Variants in ROCK2 observed in about 807,000 individuals in gnomAD.
ROCK2 encodes the protein rho-associated protein kinase 2.
In ROCK2, 61 loss-of-function variants were observed where a neutral mutation model predicts 195.1. That is an observed-to-expected ratio of 0.31 (90% CI 0.25 to 0.39). ROCK2 has a LOEUF of 0.39. Among genes scored for constraint, ROCK2 ranks in the 10% least tolerant of loss-of-function variants. ROCK2 has a pLI of 1.00. For missense variants in ROCK2, 1,109 were observed against 1,637.4 expected (o/e 0.68, Z 5.57); for synonymous variants, 504 against 545.5 (o/e 0.92, Z 1.06).
At chr2:11,208,076 T>C (rs533047975) in intron 19 of ROCK2, among the ~76,000 whole-genome samples, 166 bp from the exon 20 acceptor site, 26 of 151,180 alleles carry the variant, frequency 1.7e-4, no homozygotes, top group Non-Finnish European at 3.0e-4. Flanking sequence ...ATTATAATTG[T>C]ATTTTTTAAA....
Position 11,192,131 on chromosome 2 carries a change from A to G in ROCK2, c.4163+17T>C. On this transcript the variant is annotated intron_variant, in intron 32 of 32. Coordinates refer to ENST00000315872, the MANE Select transcript of ROCK2 (RefSeq NM_004850.5). The surrounding 1 kb of genome is among the most constrained non-coding windows in gnomAD (Gnocchi z 5.0). Reference sequence around the variant, plus strand: ...AATAGACTTTTTTTTTTTCCTTACCACATTTTAGTTTATTACCTAGGTTTG... The same window carrying G: ...AATAGACTTTTTTTTTTTCCTTACCGCATTTTAGTTTATTACCTAGGTTTG... 15 of 1,504,156 alleles carry G rather than the reference A, an allele frequency of 1.0e-5. No individual in the cohort carries two copies. Among genetic ancestry groups the G allele is most frequent in the Non-Finnish European group, 1.2e-5 (13 of 1,110,222 alleles). 93.2% of individuals were successfully genotyped at this position (1,504,156 alleles called of 1,614,324 possible).
chr2:11,305,202 CCT>C (rs1193456438), intron 1 of ROCK2, among the ~76,000 whole-genome samples: 4 of 152,066 alleles, frequency 2.6e-5, no homozygotes, highest in Admixed American at 2.6e-4. Context: ...ATGGCGAAAC[CCT>C]GTCTTTACTA....
intron 6 of ROCK2, among the ~76,000 whole-genome samples, chr2:11,226,848 C>T (rs1160974865): frequency 2.1e-5 from 3 of 143,804 alleles, no homozygotes; most frequent in African/African-American, 7.8e-5. Flanking sequence ...AAGGTCAAGG[C>T]TGCAGTGAGC....
intron 3 of ROCK2, among the ~76,000 whole-genome samples, chr2:11,252,364 T>C (rs1665860940): frequency 6.8e-6 from 1 of 147,598 alleles, no homozygotes; most frequent in African/African-American, 2.5e-5. Flanking sequence ...CCAGCCAAGA[T>C]CACGCCATTG....
chr2:11,249,850 G>A (rs1321882145), intron 3 of ROCK2, 52 bp from the exon 4 acceptor site: 3 of 1,347,788 alleles, frequency 2.2e-6, no homozygotes, highest in African/African-American at 1.5e-5. Context: ...ATGAGAGAAA[G>A]GTAAATAGAT....
intron 3 of ROCK2, among the ~76,000 whole-genome samples, chr2:11,258,547 T>C (rs1297628179): frequency 6.6e-6 from 1 of 151,266 alleles, no homozygotes; most frequent in African/African-American, 2.5e-5. Context: ...CACAAAAGTG[T>C]AGAAAACATT....
In ROCK2 at chr2:11,181,264, T is replaced by C. The variant is rs1229210104; in HGVS notation, c.*2173A>G. The C allele has an allele frequency of 6.7e-6, 1 of 149,442 alleles. No individual in the cohort carries two copies. The highest frequency in any genetic ancestry group is 2.4e-5 in the African/African-American group (1 of 40,990). 9.3% of individuals were successfully genotyped at this position (149,442 alleles called of 1,614,324 possible). A position where few individuals can be genotyped will look rare whatever the true frequency, so the allele number is the denominator to read the frequency against. On this transcript the variant is annotated 3_prime_UTR_variant, in exon 33 of 33. Coordinates refer to ENST00000315872, the MANE Select transcript of ROCK2 (RefSeq NM_004850.5). Reference sequence around the variant, plus strand: ...CCCATAATGTAACAAAATCTTTATATAAAATATTAATTCAGTCTCCTTTTA... The same window carrying C: ...CCCATAATGTAACAAAATCTTTATACAAAATATTAATTCAGTCTCCTTTTA...
At chr2:11,274,201 TAGAAAG>T (rs1364010784) in intron 3 of ROCK2, among the ~76,000 whole-genome samples, 3 of 148,860 alleles carry the variant, frequency 2.0e-5, no homozygotes, top group African/African-American at 5.0e-5. Context: ...TTTAAGAAAC[TAGAAAG>T]AGAAAAACAA....
At chr2:11,322,315 T>A (rs1036059190) in intron 1 of ROCK2, among the ~76,000 whole-genome samples, 1 of 151,986 alleles carries the variant, frequency 6.6e-6, no homozygotes, top group African/African-American at 2.4e-5. Flanking sequence ...TATCAGTTTT[T>A]TAAAAAGAAT....
chr2:11,227,152 C>T (rs957906022), intron 6 of ROCK2, 102 bp downstream of exon 6: 1 of 1,098,284 alleles, frequency 9.1e-7, no homozygotes, highest in Non-Finnish European at 1.3e-6. Flanking sequence ...CTAATTCTTC[C>T]CTACGACAAA....
At chr2:11,231,219 T>C (rs1664996650) in intron 5 of ROCK2, among the ~76,000 whole-genome samples, 1 of 152,048 alleles carries the variant, frequency 6.6e-6, no homozygotes, top group Admixed American at 6.6e-5. Flanking sequence ...TTTTTTTCTT[T>C]TTGAGACAGA....
At chr2:11,262,903 A>G (rs1441257923) in intron 3 of ROCK2, among the ~76,000 whole-genome samples, 1 of 152,184 alleles carries the variant, frequency 6.6e-6, no homozygotes, top group East Asian at 1.9e-4. Flanking sequence ...ACAAAAATAT[A>G]TTATTTTTAT....
intron 4 of ROCK2, among the ~76,000 whole-genome samples, chr2:11,237,946 G>A (rs1261964547): frequency 2.0e-5 from 3 of 152,118 alleles, no homozygotes; most frequent in African/African-American, 7.2e-5. Flanking sequence ...AGGAATGGTG[G>A]CGCATGCCGT....
chr2:11,231,279 C>G (rs1041537638), intron 5 of ROCK2, among the ~76,000 whole-genome samples: 1 of 151,760 alleles, frequency 6.6e-6, no homozygotes, highest in Admixed American at 6.6e-5. Context: ...ACTTGGCTGA[C>G]TGTAACCTCC....
intron 7 of ROCK2, among the ~76,000 whole-genome samples, chr2:11,222,860 G>A (rs1316496746): frequency 6.6e-6 from 1 of 152,028 alleles, no homozygotes; most frequent in Non-Finnish European, 1.5e-5. Flanking sequence ...GCATTAACTC[G>A]TTTTCAAAAT....
At chr2:11,269,534 TG>T (rs1295807037) in intron 3 of ROCK2, among the ~76,000 whole-genome samples, 2 of 152,022 alleles carry the variant, frequency 1.3e-5, no homozygotes, top group African/African-American at 4.8e-5. Flanking sequence ...AAATCTTTTT[TG>T]AATGGATCGG....
In ROCK2 at chr2:11,197,019, A is replaced by G. The variant is rs1414331378; in HGVS notation, c.3448+161T>C. On this transcript the variant is annotated intron_variant, in intron 27 of 32. Coordinates refer to ENST00000315872, the MANE Select transcript of ROCK2 (RefSeq NM_004850.5). This position sits in a 1 kb window ranked among gnomAD's most constrained non-coding sequence, Gnocchi z 4.9. The stretch of plus-strand genomic sequence containing the variant: ...AACTTTGTAAAAAAAATCAATAAAT[A>G]AAATAAGTTTGAAATGTTACTTGAA... 2.0e-5 allele frequency among the ~76,000 whole-genome samples: 3 copies of G among 152,248 alleles called. 1 individual carries two copies. Among genetic ancestry groups the G allele is most frequent in the Admixed American group, 2.0e-4 (3 of 15,284 alleles).
At chr2:11,187,297 A>G (rs920917240) in intron 32 of ROCK2, among the ~76,000 whole-genome samples, 7 of 152,232 alleles carry the variant, frequency 4.6e-5, no homozygotes, top group African/African-American at 9.6e-5. Flanking sequence ...CCAACGTTGT[A>G]AACAGCGTGA....
intron 7 of ROCK2, 63 bp downstream of exon 7, chr2:11,224,259 T>A (rs969668791): frequency 7.0e-7 from 1 of 1,429,290 alleles, no homozygotes; most frequent in Non-Finnish European, 9.6e-7. Flanking sequence ...AAGCTAGGCA[T>A]GCTTTTATTT....
Sources: gnomAD v4.1 joint callset for allele counts (sites outside exome capture counted in the v4.1 genomes callset) on GRCh38, gnomAD v4.1.1 for gene constraint, Gnocchi (gnomAD v3.1) non-coding constraint, MANE v1.5 for transcripts, NCBI Gene and HGNC (gene_info 2026-07-23, HGNC 2026-07-21) for gene names.